Variants in NEDD4L observed in about 807,000 individuals in gnomAD.
NEDD4L encodes E3 ubiquitin-protein ligase NEDD4-like.
A neutral mutation model predicts 148.9 loss-of-function variants in NEDD4L; 54 were observed. The observed-to-expected ratio is 0.36, with a 90% CI of 0.29 to 0.45. The LOEUF (loss-of-function observed/expected upper bound fraction) is 0.45, where lower values mean the gene tolerates loss of function less well. Ranked by LOEUF, NEDD4L falls within the 20% of genes least tolerant of loss-of-function variation. The pLI, the probability that NEDD4L is intolerant of heterozygous loss-of-function variation, is 1.00. For synonymous variants in NEDD4L, 433 were observed against 440.7 expected (o/e 0.98, Z 0.22); for missense variants, 856 against 1,233.8 (o/e 0.69, Z 4.59).
At chr18:58,172,513 T>C (rs1435919636) in intron 2 of NEDD4L, among the ~76,000 whole-genome samples, 1 of 152,210 alleles carries the variant, frequency 6.6e-6, no homozygotes, top group Non-Finnish European at 1.5e-5. Flanking sequence ...CGTTGGGTCC[T>C]CCCAGCAAAG....
At chr18:58,320,469 T>G (rs2058679113) in intron 6 of NEDD4L, among the ~76,000 whole-genome samples, 1 of 152,244 alleles carries the variant, frequency 6.6e-6, no homozygotes, top group Non-Finnish European at 1.5e-5. Context: ...CCATAAGGAC[T>G]GCTATACCAT....
At chr18:58,179,766 G>A (rs1455438121) in intron 2 of NEDD4L, among the ~76,000 whole-genome samples, 1 of 151,866 alleles carries the variant, frequency 6.6e-6, no homozygotes, top group Non-Finnish European at 1.5e-5. Flanking sequence ...CCATCTAGTT[G>A]CAGGAAAACA....
intron 1 of NEDD4L, among the ~76,000 whole-genome samples, chr18:58,092,974 C>A (rs1315352006): frequency 2.0e-5 from 3 of 151,820 alleles, no homozygotes. Context: ...CATTCTCCTG[C>A]CTCAGCCTTC....
chr18:58,324,958 A>G lies in NEDD4L; in HGVS notation c.514-38A>G, dbSNP rs752622028. Reference sequence around the variant, plus strand: ...ATGACCTCTTACTCACAGCCGAAGAACCAACCTCATAATCGTCCCTTTAAC... The same window carrying G: ...ATGACCTCTTACTCACAGCCGAAGAGCCAACCTCATAATCGTCCCTTTAAC... On this transcript the variant is annotated intron_variant, in intron 8 of 30. Coordinates refer to ENST00000400345, the MANE Select transcript of NEDD4L (RefSeq NM_001144967.3). The G allele has an allele frequency of 1.9e-6, 3 of 1,586,412 alleles. No homozygotes were observed. In the East Asian group the frequency reaches 6.7e-5, roughly 35 times the overall value.
At chr18:58,120,241 C>T (rs894744201) in intron 1 of NEDD4L, among the ~76,000 whole-genome samples, 2 of 152,062 alleles carry the variant, frequency 1.3e-5, no homozygotes, top group African/African-American at 4.8e-5. Context: ...TGAAATGAAA[C>T]ACACCAGGAG....
chr18:58,311,923 C>G (rs1298835652), intron 5 of NEDD4L, among the ~76,000 whole-genome samples: 2 of 152,144 alleles, frequency 1.3e-5, no homozygotes, highest in African/African-American at 4.8e-5. Context: ...TGGCATCCAC[C>G]CTTGGTGGCA....
chr18:58,321,754 A>G (rs1227972974), intron 6 of NEDD4L, among the ~76,000 whole-genome samples: 1 of 152,244 alleles, frequency 6.6e-6, no homozygotes, highest in Non-Finnish European at 1.5e-5. Context: ...TACTGAATAT[A>G]TAGTATTTAA....
At chr18:58,160,869 T>C (rs1055950012) in intron 1 of NEDD4L, among the ~76,000 whole-genome samples, 14 of 152,170 alleles carry the variant, frequency 9.2e-5, no homozygotes, top group Non-Finnish European at 1.5e-4. Flanking sequence ...CTGCAACAGG[T>C]GCTTGTAAAC....
At chr18:58,047,391 G>A (rs1598912836) in intron 1 of NEDD4L, 2 of 984,888 alleles carry the variant, frequency 2.0e-6, no homozygotes, top group Admixed American at 6.2e-5. Context: ...AAAGACTGTT[G>A]AGCTCTCTGC....
chr18:58,142,436 G>T lies in NEDD4L; in HGVS notation c.49-23352G>T, dbSNP rs530957269. 5.4e-4 allele frequency among the ~76,000 whole-genome samples: 82 copies of T among 152,286 alleles called. 1 individual carries two copies. The South Asian group carries it at 0.015, about 29-fold the overall frequency. Reference sequence around the variant, plus strand: ...CCTATGTAATTTTCTTCAGCTTTCAGAAGGAATGTCTTGTATCTTCCTATG... The same window carrying T: ...CCTATGTAATTTTCTTCAGCTTTCATAAGGAATGTCTTGTATCTTCCTATG... On this transcript the variant is annotated intron_variant, in intron 1 of 30. Transcript: ENST00000400345.
intron 15 of NEDD4L, among the ~76,000 whole-genome samples, 182 bp downstream of exon 15, chr18:58,341,979 T>C (rs1022131953): frequency 2.0e-5 from 3 of 152,212 alleles, no homozygotes; most frequent in African/African-American, 7.2e-5. Flanking sequence ...CAGTTAACAT[T>C]CCTGGACTCT....
intron 6 of NEDD4L, among the ~76,000 whole-genome samples, chr18:58,317,605 C>T (rs533570932): frequency 6.6e-6 from 1 of 152,314 alleles, no homozygotes; most frequent in East Asian, 1.9e-4. Flanking sequence ...AGCACCTGGT[C>T]TTGAAAGGTT....
chr18:58,168,838 C>T (rs1022759301), intron 2 of NEDD4L, among the ~76,000 whole-genome samples: 2 of 152,176 alleles, frequency 1.3e-5, no homozygotes, highest in African/African-American at 4.8e-5. Context: ...CAGGGATTTG[C>T]ATCTCTGGGA....
chr18:58,089,126 AT>A lies in NEDD4L; in HGVS notation c.48+44443del, dbSNP rs570623396. ...CTACCCATTCAAGTTTTATTTCATA[AT>A]TTTTTTTTTTTTTTTTTTTTTTTTG... is the stretch of plus-strand genomic sequence containing the variant. On this transcript the variant is annotated intron_variant, in intron 1 of 30. Transcript: ENST00000400345. Among the ~76,000 whole-genome samples the A allele has an allele frequency of 6.9e-3, 698 of 100,956 alleles. 1 individual carries two copies. The highest frequency in any genetic ancestry group is 0.023 in the East Asian group (75 of 3,296). The allele number at this position is 100,956 out of a possible 152,430, so 66.2% of individuals were successfully genotyped here.
At chr18:58,293,948 C>T (rs2055155536) in intron 5 of NEDD4L, among the ~76,000 whole-genome samples, 1 of 152,172 alleles carries the variant, frequency 6.6e-6, no homozygotes, top group Non-Finnish European at 1.5e-5. Flanking sequence ...ATCTCGAACT[C>T]CTGGGCTCAA....
At chr18:58,140,811 C>A (rs12963504) in intron 1 of NEDD4L, among the ~76,000 whole-genome samples, 49,650 of 152,128 alleles carry the variant, frequency 0.33, 8,355 homozygotes, top group Non-Finnish European at 0.37. Context: ...GGAGGTAAAG[C>A]CAGTGGAGTG....
chr18:58,335,475 C>T lies in NEDD4L; in HGVS notation c.1066-3C>T, dbSNP rs777397425. 2 of 1,612,910 alleles carry T rather than the reference C, an allele frequency of 1.2e-6. No individual in the cohort carries two copies. Among genetic ancestry groups the T allele is most frequent in the Non-Finnish European group, 1.7e-6 (2 of 1,178,966 alleles). ...TTTCACTGATGTAAATTATCATTCA[C>T]AGCCCAGTGCCCCAGCTGGGAGAGC... On this transcript the variant is annotated splice_region_variant and splice_polypyrimidine_tract_variant and intron_variant, in intron 12 of 30. Coordinates refer to ENST00000400345, the MANE Select transcript of NEDD4L (RefSeq NM_001144967.3).
chr18:58,056,666 C>T (rs748995208), intron 1 of NEDD4L, among the ~76,000 whole-genome samples: 20 of 151,994 alleles, frequency 1.3e-4, no homozygotes, highest in Non-Finnish European at 2.2e-4. Flanking sequence ...CTGCAACCTC[C>T]ACCTCCTGGG....
At chr18:58,057,273 T>G (rs1034083613) in intron 1 of NEDD4L, among the ~76,000 whole-genome samples, 2 of 151,124 alleles carry the variant, frequency 1.3e-5, no homozygotes, top group African/African-American at 4.9e-5. Flanking sequence ...TTTAATTATC[T>G]GGTGATTTAT....
Sources: allele counts gnomAD v4.1 joint callset (sites outside exome capture counted in the v4.1 genomes callset), GRCh38; gene constraint gnomAD v4.1.1; transcripts MANE v1.5; gene names NCBI Gene and HGNC (gene_info 2026-07-23, HGNC 2026-07-21).